FBXO25: variants seen among roughly 807,000 people sequenced by gnomAD.
FBXO25 encodes F-box protein 25, also known as F-box only protein 25.
Under a neutral mutation model 51.9 loss-of-function variants are expected in FBXO25, and 45 were observed. The ratio of observed to expected loss-of-function variants is 0.87; its 90% CI spans 0.68 to 1.11. The LOEUF is 1.11. FBXO25 is among the 50% of genes most tolerant of loss of function. FBXO25 has a pLI of 0.00. For synonymous variants in FBXO25, 199 were observed against 151.0 expected (o/e 1.32, Z -2.33); for missense variants, 507 against 428.5 (o/e 1.18, Z -1.62).
At chr8:465,078 G>A (rs910030589) in intron 9 of FBXO25, among the ~76,000 whole-genome samples, 1 of 152,196 alleles carries the variant, frequency 6.6e-6, no homozygotes, top group Non-Finnish European at 1.5e-5. Flanking sequence ...CAGTATGGGG[G>A]TGAGTTGTCT....
At chr8:454,720 T>C (rs1799307434) in intron 7 of FBXO25, among the ~76,000 whole-genome samples, 1 of 151,802 alleles carries the variant, frequency 6.6e-6, no homozygotes, top group South Asian at 2.1e-4. Context: ...TGAAATCCCA[T>C]CTCTACTAAA....
intron 9 of FBXO25, among the ~76,000 whole-genome samples, chr8:463,541 C>A (rs1398946521): frequency 6.6e-6 from 1 of 152,172 alleles, no homozygotes. Flanking sequence ...ACTTAGCCCT[C>A]GGCCCTTTAT....
intron 1 of FBXO25, among the ~76,000 whole-genome samples, chr8:410,154 C>T (rs932834862): frequency 6.6e-6 from 1 of 152,164 alleles, no homozygotes; most frequent in African/African-American, 2.4e-5. Context: ...TAACTTTATT[C>T]TCTCTTTACC....
chr8:433,306 C>T (rs986140365), intron 4 of FBXO25, among the ~76,000 whole-genome samples: 13 of 151,994 alleles, frequency 8.6e-5, no homozygotes, highest in Non-Finnish European at 1.2e-4. Flanking sequence ...GTGTGTGGTT[C>T]CTGCCTACCT....
chr8:432,804 G>C, intron 3 of FBXO25, 82 bp from the exon 4 acceptor site: 7 of 1,397,260 alleles, frequency 5.0e-6, no homozygotes, highest in Non-Finnish European at 5.7e-6. Context: ...TTGTTAACAT[G>C]TCCAATTATT....
In FBXO25 at chr8:469,401, C is replaced by G. The variant is rs905199508; in HGVS notation, c.*597C>G. Reference sequence around the variant, plus strand: ...ACGCAGCCCAACAACGGGCAGTGGTCTCTGTGCTCCTAGGCATCCAGCACA... The same window carrying G: ...ACGCAGCCCAACAACGGGCAGTGGTGTCTGTGCTCCTAGGCATCCAGCACA... On this transcript the variant is annotated 3_prime_UTR_variant, in exon 10 of 10. Transcript: ENST00000350302. 2 of 152,428 alleles carry G rather than the reference C, an allele frequency of 1.3e-5. No homozygotes were observed. The highest frequency in any genetic ancestry group is 1.3e-4 in the Admixed American group (2 of 15,290). 9.4% of individuals were successfully genotyped at this position (152,428 alleles called of 1,614,324 possible). A position where few individuals can be genotyped will look rare whatever the true frequency, so the allele number is the denominator to read the frequency against.
chr8:408,862 A>G (rs1412680388), intron 1 of FBXO25, among the ~76,000 whole-genome samples: 3 of 152,232 alleles, frequency 2.0e-5, no homozygotes, highest in African/African-American at 7.2e-5. Flanking sequence ...TAAAATTTGC[A>G]AATTATACAA....
Position 473,782 on chromosome 8 carries a change from C to G in FBXO25, c.*4978C>G, listed in dbSNP as rs936858634. The G allele has an allele frequency of 1.3e-5, 2 of 152,076 alleles. No individual in the cohort carries two copies. Among genetic ancestry groups the G allele is most frequent in the African/African-American group, 2.4e-5 (1 of 41,406 alleles). The allele number at this position is 152,076 out of a possible 1,614,324, so 9.4% of individuals were successfully genotyped here. On this transcript the variant is annotated 3_prime_UTR_variant, in exon 10 of 10. Transcript: ENST00000350302. The stretch of plus-strand genomic sequence containing the variant: ...GCAAAAAAAATGAGGACATCTGTGT[C>G]AAATAGAAGAGACACCTCAACTGTC...
chr8:474,643 C>CT lies in FBXO25; in HGVS notation c.*5840dup, dbSNP rs1800588842. 1 of 436,756 alleles carries CT rather than the reference C, an allele frequency of 2.3e-6. No individual in the cohort carries two copies. The highest frequency in any genetic ancestry group is 4.5e-6 in the Non-Finnish European group (1 of 219,878). 27.1% of individuals were successfully genotyped at this position (436,756 alleles called of 1,614,324 possible). ...CGTAATGACTGGTGATGCTGAGTAT[C>CT]TGTTTGTTGGCCGTTTATATGTCGT... is the stretch of plus-strand genomic sequence containing the variant. On this transcript the variant is annotated 3_prime_UTR_variant, in exon 10 of 10. Transcript: ENST00000350302.
At chr8:452,266 T>C (rs1224429240) in intron 7 of FBXO25, among the ~76,000 whole-genome samples, 1 of 152,224 alleles carries the variant, frequency 6.6e-6, no homozygotes, top group African/African-American at 2.4e-5. Flanking sequence ...AGTCTGAAAT[T>C]ATCCTTAATA....
At chr8:454,368 A>G (rs958244319) in intron 7 of FBXO25, among the ~76,000 whole-genome samples, 1 of 152,212 alleles carries the variant, frequency 6.6e-6, no homozygotes, top group Admixed American at 6.5e-5. Flanking sequence ...ATGTGTTCAC[A>G]TGCTTCCTCA....
At chr8:437,672 C>G (rs1297239503) in intron 5 of FBXO25, among the ~76,000 whole-genome samples, 1 of 152,148 alleles carries the variant, frequency 6.6e-6, no homozygotes, top group Non-Finnish European at 1.5e-5. Flanking sequence ...ATGTCCCCAT[C>G]CCAATTCTTA....
intron 2 of FBXO25, among the ~76,000 whole-genome samples, chr8:429,785 C>G (rs1022478355): frequency 2.6e-5 from 4 of 152,356 alleles, no homozygotes; most frequent in Non-Finnish European, 5.9e-5. Context: ...GTTCTCTGAG[C>G]CCTACCACTG....
chr8:460,604 G>C (rs1472320560), intron 8 of FBXO25, among the ~76,000 whole-genome samples: 1 of 152,190 alleles, frequency 6.6e-6, no homozygotes, highest in Non-Finnish European at 1.5e-5. Context: ...GGAGCATCTG[G>C]TGGGATGTTG....
intron 5 of FBXO25, among the ~76,000 whole-genome samples, chr8:442,985 G>A (rs1333158348): frequency 6.6e-6 from 1 of 152,054 alleles, no homozygotes; most frequent in African/African-American, 2.4e-5. Flanking sequence ...GTATGTTAAC[G>A]CTCCTGAGAA....
Position 469,569 on chromosome 8 carries a change from T to C in FBXO25, c.*765T>C, listed in dbSNP as rs1203368037. ...CAAAGTAATAAATCATGTTTATCTA[T>C]TGATTTAAACTTCATCAGTTTTGCA... On this transcript the variant is annotated 3_prime_UTR_variant, in exon 10 of 10. Coordinates refer to ENST00000350302, the MANE Select transcript of FBXO25 (RefSeq NM_183420.2). The C allele has an allele frequency of 6.6e-6, 1 of 152,272 alleles. No individual in the cohort carries two copies. The highest frequency in any genetic ancestry group is 1.9e-4 in the East Asian group (1 of 5,200). The allele number at this position is 152,272 out of a possible 1,614,324, so 9.4% of individuals were successfully genotyped here.
rs1800420784 is a variant in FBXO25 at position 469,866 on chromosome 8, G to A, written c.*1062G>A. 6.6e-6 allele frequency: 1 copy of A among 152,006 alleles called. No homozygotes were observed. The highest frequency in any genetic ancestry group is 1.9e-4 in the East Asian group (1 of 5,174). 9.4% of individuals were successfully genotyped at this position (152,006 alleles called of 1,614,324 possible). On this transcript the variant is annotated 3_prime_UTR_variant, in exon 10 of 10. Coordinates refer to ENST00000350302, the MANE Select transcript of FBXO25 (RefSeq NM_183420.2). ...CATAATAATAAAAGTATACTTTTAT[G>A]GCGTTATAAATAGGACTAAAAAAAG...
chr8:459,119 C>G (rs1008235624), intron 8 of FBXO25, among the ~76,000 whole-genome samples: 1 of 152,222 alleles, frequency 6.6e-6, no homozygotes, highest in South Asian at 2.1e-4. Context: ...GGTCCCTGTT[C>G]CTGGGCCTCT....
chr8:459,999 C>T (rs985740450), intron 8 of FBXO25, among the ~76,000 whole-genome samples: 5 of 151,814 alleles, frequency 3.3e-5, no homozygotes, highest in African/African-American at 1.2e-4. Context: ...AGTAGGAGAA[C>T]AGTAGATTGA....
Sources: allele counts gnomAD v4.1 joint callset (sites outside exome capture counted in the v4.1 genomes callset), GRCh38; gene constraint gnomAD v4.1.1; transcripts MANE v1.5; gene names NCBI Gene and HGNC (gene_info 2026-07-23, HGNC 2026-07-21).